The following CAMSAP2 variants were observed in gnomAD, a reference collection of about 807,000 sequenced individuals.
CAMSAP2 encodes calmodulin regulated spectrin associated protein family member 2.
CAMSAP2 carries 26 observed loss-of-function variants against 146.1 expected under a neutral mutation model. The observed-to-expected ratio is 0.18, with a 90% CI of 0.13 to 0.25. CAMSAP2 has a LOEUF of 0.25. CAMSAP2 is among the 10% of genes least tolerant of loss of function. The pLI is 1.00. For synonymous variants in CAMSAP2, 499 were observed against 596.6 expected, an observed-to-expected ratio of 0.84 and a Z score of 2.38; for missense variants, 1,381 against 1,759.3, an observed-to-expected ratio of 0.78 and a Z score of 3.85.
intron 1 of CAMSAP2, among the ~76,000 whole-genome samples, chr1:200,759,280 A>ATTTTTTTTTT (rs374473632): frequency 7.8e-6 from 1 of 128,894 alleles, no homozygotes; most frequent in Non-Finnish European, 1.6e-5. Context: ...CTGCTATTCT[A>ATTTTTTTTTT]TTTTTTTTTT....
intron 6 of CAMSAP2, among the ~76,000 whole-genome samples, chr1:200,833,733 A>T (rs1445053202): frequency 6.6e-6 from 1 of 152,222 alleles, no homozygotes; most frequent in African/African-American, 2.4e-5. Flanking sequence ...TTGAATTAAA[A>T]AATTAATTGA....
At chr1:200,831,781 CTCTT>C (rs1037489571) in intron 4 of CAMSAP2, among the ~76,000 whole-genome samples, 1 of 151,958 alleles carries the variant, frequency 6.6e-6, no homozygotes, top group East Asian at 1.9e-4. Context: ...ATTTTGATAA[CTCTT>C]TCTGCTTGAA....
chr1:200,817,209 CATACACACATATGTGTGTGTAT>C (rs1666610450), intron 4 of CAMSAP2, among the ~76,000 whole-genome samples: 3 of 93,156 alleles, frequency 3.2e-5, no homozygotes, highest in African/African-American at 9.1e-5. Flanking sequence ...TGTATACACA[CATACACACATATGTGTGTGTAT>C]ATACACACAT....
intron 1 of CAMSAP2, among the ~76,000 whole-genome samples, chr1:200,756,764 GA>G (rs1403670083): frequency 1.3e-5 from 2 of 152,134 alleles, no homozygotes; most frequent in Non-Finnish European, 2.9e-5. Flanking sequence ...GTACTTTCAG[GA>G]AAAGGCTAGT....
chr1:200,858,176 A>G lies in CAMSAP2; in HGVS notation c.*117A>G. 1.1e-6 allele frequency: 1 copy of G among 892,224 alleles called. No homozygotes were observed. The highest frequency in any genetic ancestry group is 2.0e-5 in the South Asian group (1 of 50,630). The allele number at this position is 892,224 out of a possible 1,614,324, so 55.3% of individuals were successfully genotyped here. On this transcript the variant is annotated 3_prime_UTR_variant, in exon 17 of 17. Coordinates refer to ENST00000358823, the MANE Select transcript of CAMSAP2 (RefSeq NM_203459.4). Reference sequence around the variant, plus strand: ...TTTTATTAATTAAAACTGGACATTAAGCTCTGTTGTCATGAACAACTGGAA... The same window carrying G: ...TTTTATTAATTAAAACTGGACATTAGGCTCTGTTGTCATGAACAACTGGAA...
At chr1:200,743,004 G>A (rs1293120074) in intron 1 of CAMSAP2, among the ~76,000 whole-genome samples, 1 of 152,178 alleles carries the variant, frequency 6.6e-6, no homozygotes, top group East Asian at 1.9e-4. Context: ...TGTGGAAGAT[G>A]CAGATACAGG....
At chr1:200,777,432 A>C (rs1665311232) in intron 2 of CAMSAP2, among the ~76,000 whole-genome samples, 1 of 152,238 alleles carries the variant, frequency 6.6e-6, no homozygotes, top group South Asian at 2.1e-4. Context: ...GAATAACCTC[A>C]AAAGAAAGAA....
chr1:200,752,939 TC>T (rs1664550035), intron 1 of CAMSAP2, among the ~76,000 whole-genome samples: 1 of 151,994 alleles, frequency 6.6e-6, no homozygotes, highest in Non-Finnish European at 1.5e-5. Flanking sequence ...CTCTTAAGTC[TC>T]CTTTAACCTG....
chr1:200,834,279 C>G (rs1434862924), intron 6 of CAMSAP2, among the ~76,000 whole-genome samples: 1 of 152,028 alleles, frequency 6.6e-6, no homozygotes, highest in Non-Finnish European at 1.5e-5. Context: ...AGGAGAATCA[C>G]TTGAACCTGG....
chr1:200,847,391 T>G (rs113993637), intron 9 of CAMSAP2, 99 bp downstream of exon 9: 13,855 of 736,332 alleles, frequency 0.019, 137 homozygotes, highest in South Asian at 0.03. Flanking sequence ...CAGGGTTTTT[T>G]TGTGTGTGTG....
chr1:200,752,731 C>T (rs1047547018), intron 1 of CAMSAP2, among the ~76,000 whole-genome samples: 1 of 151,976 alleles, frequency 6.6e-6, no homozygotes, highest in Non-Finnish European at 1.5e-5. Flanking sequence ...ATTCTCCTGC[C>T]TCAGCCTCCC....
intron 15 of CAMSAP2, 82 bp downstream of exon 15, chr1:200,856,207 G>C: frequency 4.1e-6 from 4 of 971,890 alleles, no homozygotes; most frequent in South Asian, 1.5e-5. Context: ...AATTTTATTG[G>C]CTCACCTTTG....
intron 2 of CAMSAP2, among the ~76,000 whole-genome samples, chr1:200,767,261 C>A (rs1664979631): frequency 6.6e-6 from 1 of 151,580 alleles, no homozygotes; most frequent in African/African-American, 2.4e-5. Flanking sequence ...ACTTGGGAGG[C>A]TGAGGTGAGA....
intron 2 of CAMSAP2, among the ~76,000 whole-genome samples, chr1:200,796,898 A>G (rs1025538375): frequency 2.7e-5 from 4 of 147,562 alleles, no homozygotes; most frequent in African/African-American, 1.0e-4. Flanking sequence ...TTCAATTCCC[A>G]CCTATGAGTG....
intron 6 of CAMSAP2, among the ~76,000 whole-genome samples, chr1:200,833,654 C>G (rs1667101820): frequency 6.6e-6 from 1 of 152,052 alleles, no homozygotes; most frequent in South Asian, 2.1e-4. Flanking sequence ...TTACAAATAG[C>G]AATGCTTACA....
At chr1:200,776,364 A>G (rs1665278171) in intron 2 of CAMSAP2, among the ~76,000 whole-genome samples, 2 of 152,362 alleles carry the variant, frequency 1.3e-5, no homozygotes, top group South Asian at 2.1e-4. Flanking sequence ...TGGACCAAGT[A>G]AAAGGGCTGT....
chr1:200,807,567 A>T (rs552789124), intron 3 of CAMSAP2, 30 bp downstream of exon 3: 1 of 1,454,786 alleles, frequency 6.9e-7, no homozygotes, highest in East Asian at 2.5e-5. Context: ...AGTAAATCGC[A>T]TCTCATAGCC....
chr1:200,815,557 TA>T lies in CAMSAP2; in HGVS notation c.562-2del. On this transcript the variant is annotated splice_polypyrimidine_tract_variant and splice_region_variant and intron_variant, in intron 3 of 16. Coordinates refer to ENST00000358823, the MANE Select transcript of CAMSAP2 (RefSeq NM_203459.4). The stretch of plus-strand genomic sequence containing the variant: ...AATTCAAACTGATATTTTTATATTT[TA>T]AGGTAAATGAACATTTGAAAGACAT... The T allele has an allele frequency of 6.9e-7, 1 of 1,440,742 alleles. No individual in the cohort carries two copies. Among genetic ancestry groups the T allele is most frequent in the Non-Finnish European group, 9.5e-7 (1 of 1,057,948 alleles). 89.2% of individuals were successfully genotyped at this position (1,440,742 alleles called of 1,614,324 possible).
At chr1:200,789,306 G>A (rs1006677726) in intron 2 of CAMSAP2, among the ~76,000 whole-genome samples, 1 of 151,558 alleles carries the variant, frequency 6.6e-6, no homozygotes, top group Non-Finnish European at 1.5e-5. Context: ...AAGTTTTATA[G>A]TTTTGTTGTA....
Sources: allele counts gnomAD v4.1 joint callset (sites outside exome capture counted in the v4.1 genomes callset), GRCh38; gene constraint gnomAD v4.1.1; transcripts MANE v1.5; gene names NCBI Gene and HGNC (gene_info 2026-07-23, HGNC 2026-07-21).